PTPRM: variants seen among roughly 807,000 people sequenced by gnomAD.
The protein encoded by PTPRM is receptor-type tyrosine-protein phosphatase mu.
PTPRM carries 47 observed loss-of-function variants against 186.7 expected under a neutral mutation model. The observed-to-expected ratio is 0.25, with a 90% CI of 0.20 to 0.32. PTPRM has a LOEUF of 0.32. PTPRM is among the 10% of genes least tolerant of loss of function. The probability of loss-of-function intolerance (pLI) is 1.00; values close to 1 mark genes in which losing one functional copy is unlikely to be tolerated. For missense variants in PTPRM, 1,494 were observed against 1,865.0 expected, an observed-to-expected ratio of 0.80 and a Z score of 3.66; for synonymous variants, 668 against 674.9, an observed-to-expected ratio of 0.99 and a Z score of 0.16.
At chr18:8,193,729 TAGAG>T (rs1297770183) in intron 14 of PTPRM, among the ~76,000 whole-genome samples, 1 of 152,224 alleles carries the variant, frequency 6.6e-6, no homozygotes, top group Non-Finnish European at 1.5e-5. Flanking sequence ...CTTCCTGAGT[TAGAG>T]AGACTGTGGG....
intron 22 of PTPRM, among the ~76,000 whole-genome samples, chr18:8,334,097 TG>T (rs942128512): frequency 2.6e-5 from 4 of 152,182 alleles, no homozygotes; most frequent in African/African-American, 9.6e-5. Flanking sequence ...ACTGCTGTGT[TG>T]GGGAATGAAT....
chr18:8,111,486 G>A (rs779917202), intron 11 of PTPRM, among the ~76,000 whole-genome samples: 10 of 152,040 alleles, frequency 6.6e-5, no homozygotes, highest in Non-Finnish European at 1.2e-4. Context: ...GGTGGCGGGC[G>A]CCTGTAGTTC....
At chr18:8,022,774 G>T (rs2085314373) in intron 7 of PTPRM, among the ~76,000 whole-genome samples, 1 of 152,156 alleles carries the variant, frequency 6.6e-6, no homozygotes, top group African/African-American at 2.4e-5. Flanking sequence ...TCCTGAATAT[G>T]TAAGAAGTCA....
intron 7 of PTPRM, among the ~76,000 whole-genome samples, chr18:8,002,311 C>G (rs901024434): frequency 1.3e-5 from 2 of 152,190 alleles, no homozygotes; most frequent in Admixed American, 1.3e-4. Flanking sequence ...GTCCTGCCAT[C>G]AGGACAAGAC....
At chr18:7,844,932 A>G (rs2046518966) in intron 2 of PTPRM, among the ~76,000 whole-genome samples, 2 of 152,198 alleles carry the variant, frequency 1.3e-5, no homozygotes, top group African/African-American at 2.4e-5. Context: ...ATTCACATTC[A>G]TCAATCTCTT....
chr18:7,712,092 G>A (rs565044311), intron 1 of PTPRM, among the ~76,000 whole-genome samples: 9 of 152,300 alleles, frequency 5.9e-5, no homozygotes, highest in Non-Finnish European at 1.0e-4. Flanking sequence ...GGGGCCAACA[G>A]ACACCTCATA....
intron 1 of PTPRM, among the ~76,000 whole-genome samples, chr18:7,758,877 C>T (rs185434260): frequency 1.8e-4 from 28 of 152,292 alleles, no homozygotes; most frequent in African/African-American, 2.9e-4. Flanking sequence ...GTGATGTACA[C>T]GCCCTCATTT....
chr18:7,787,743 T>G (rs751178635), intron 2 of PTPRM, among the ~76,000 whole-genome samples: 1 of 152,250 alleles, frequency 6.6e-6, no homozygotes, highest in Non-Finnish European at 1.5e-5. Context: ...TCTCTAACTC[T>G]TTGGTCTTAG....
intron 27 of PTPRM, among the ~76,000 whole-genome samples, chr18:8,378,868 C>T (rs907231254): frequency 6.6e-6 from 1 of 152,296 alleles, no homozygotes; most frequent in East Asian, 1.9e-4. Context: ...CTTCCCCCAC[C>T]TCTGACCTCC....
chr18:7,718,438 A>C (rs546634588), intron 1 of PTPRM, among the ~76,000 whole-genome samples: 144 of 152,348 alleles, frequency 9.5e-4, no homozygotes, highest in African/African-American at 3.4e-3. Flanking sequence ...CTTAAATCTA[A>C]GACCTGAAAC....
At chr18:7,898,360 G>A (rs1267537776) in intron 3 of PTPRM, among the ~76,000 whole-genome samples, 2 of 152,164 alleles carry the variant, frequency 1.3e-5, no homozygotes, top group African/African-American at 4.8e-5. Flanking sequence ...GTGTTGGTAA[G>A]CAAATCCCTT....
chr18:7,835,485 T>A (rs1173051572), intron 2 of PTPRM, among the ~76,000 whole-genome samples: 1 of 152,082 alleles, frequency 6.6e-6, no homozygotes, highest in Non-Finnish European at 1.5e-5. Flanking sequence ...TTTAGGACTT[T>A]TGTGACCTAA....
At chr18:8,184,722 A>T (rs185137138) in intron 14 of PTPRM, among the ~76,000 whole-genome samples, 5 of 152,302 alleles carry the variant, frequency 3.3e-5, no homozygotes, top group African/African-American at 1.2e-4. Flanking sequence ...TTATATGAGG[A>T]TTTGCCCTAT....
rs565156341 is a variant in PTPRM at position 8,069,604 on chromosome 18, G to C, written c.1133-82G>C. 2.3e-5 allele frequency: 29 copies of C among 1,251,156 alleles called. No homozygotes were observed. The African/African-American group carries it at 4.3e-4, about 18-fold the overall frequency. 77.5% of individuals were successfully genotyped at this position (1,251,156 alleles called of 1,614,324 possible). A position where few individuals can be genotyped will look rare whatever the true frequency, so the allele number is the denominator to read the frequency against. On this transcript the variant is annotated intron_variant, in intron 7 of 32. Coordinates refer to ENST00000580170, the MANE Select transcript of PTPRM (RefSeq NM_001105244.2). ...GAGACCAGGTGGTGGGGACAACTGG[G>C]AATATCTGTGACCTTTGGGATTGAC...
At chr18:8,089,637 T>C (rs1201048961) in intron 11 of PTPRM, among the ~76,000 whole-genome samples, 2 of 152,214 alleles carry the variant, frequency 1.3e-5, no homozygotes, top group Admixed American at 6.5e-5. Flanking sequence ...TTACTTTGAA[T>C]AGAGTACTTG....
At chr18:7,778,040 C>G (rs2042676483) in intron 2 of PTPRM, among the ~76,000 whole-genome samples, 1 of 152,174 alleles carries the variant, frequency 6.6e-6, no homozygotes, top group South Asian at 2.1e-4. Flanking sequence ...CAGTGAGAGA[C>G]TAACATTTCA....
chr18:8,301,780 C>T (rs1440471645), intron 20 of PTPRM, among the ~76,000 whole-genome samples: 4 of 152,164 alleles, frequency 2.6e-5, no homozygotes, highest in African/African-American at 9.6e-5. Flanking sequence ...GTGTCAACAC[C>T]CATGTTAGGA....
chr18:8,026,101 T>G (rs2085556266), intron 7 of PTPRM, among the ~76,000 whole-genome samples: 1 of 152,234 alleles, frequency 6.6e-6, no homozygotes. Flanking sequence ...ATTGCTAGGC[T>G]AAAATGCAAG....
intron 2 of PTPRM, among the ~76,000 whole-genome samples, chr18:7,826,633 T>G (rs1297449955): frequency 6.6e-6 from 1 of 152,250 alleles, no homozygotes; most frequent in Non-Finnish European, 1.5e-5. Flanking sequence ...CACTGTTACT[T>G]TATTTTCCAA....
Sources: allele counts gnomAD v4.1 joint callset (sites outside exome capture counted in the v4.1 genomes callset), GRCh38; gene constraint gnomAD v4.1.1; transcripts MANE v1.5; gene names NCBI Gene and HGNC (gene_info 2026-07-23, HGNC 2026-07-21).